MYLK: variants seen among roughly 807,000 people sequenced by gnomAD.
The protein encoded by MYLK is myosin light chain kinase, smooth muscle.
In MYLK, 106 loss-of-function variants were observed where a neutral mutation model predicts 203.4. The ratio of observed to expected loss-of-function variants is 0.52; its 90% CI spans 0.45 to 0.61. The LOEUF (loss-of-function observed/expected upper bound fraction) is 0.61. Ranked by LOEUF, MYLK falls within the 20% of genes least tolerant of loss-of-function variation. The probability of loss-of-function intolerance (pLI) is 0.00; values close to 1 mark genes in which losing one functional copy is unlikely to be tolerated. For missense variants in MYLK, 2,072 were observed against 2,442.3 expected (o/e 0.85, Z 3.20); for synonymous variants, 867 against 959.5 (o/e 0.90, Z 1.78).
chr3:123,765,512 C>CT (rs992254422), intron 4 of MYLK, among the ~76,000 whole-genome samples: 1 of 141,530 alleles, frequency 7.1e-6, no homozygotes, highest in African/African-American at 2.6e-5. Flanking sequence ...GCCTGGGTAA[C>CT]AGAGTGAGAT....
At chr3:123,753,458 T>C (rs966318451) in intron 4 of MYLK, among the ~76,000 whole-genome samples, 2 of 146,334 alleles carry the variant, frequency 1.4e-5, no homozygotes, top group African/African-American at 2.5e-5. Context: ...CTCTAAGTAC[T>C]TGGCTCATCT....
At chr3:123,696,862 T>C (rs546650312) in intron 18 of MYLK, among the ~76,000 whole-genome samples, 2 of 152,330 alleles carry the variant, frequency 1.3e-5, no homozygotes, top group South Asian at 2.1e-4. Context: ...TAGACTGGAA[T>C]TCCTTGGCAG....
intron 27 of MYLK, 45 bp downstream of exon 27, chr3:123,647,178 TG>T (rs758063359): frequency 1.3e-6 from 2 of 1,574,630 alleles, no homozygotes; most frequent in African/African-American, 1.3e-5. Flanking sequence ...GAGACACGTT[TG>T]GGGGCTCCCT....
chr3:123,634,284 C>T (rs1031153633), intron 29 of MYLK, among the ~76,000 whole-genome samples: 8 of 152,152 alleles, frequency 5.3e-5, no homozygotes, highest in African/African-American at 1.2e-4. Context: ...GGAATCAGAG[C>T]GTATTTCCAG....
At chr3:123,622,762 C>T (rs2057938850) in intron 31 of MYLK, 1 of 152,116 alleles carries the variant, frequency 6.6e-6, no homozygotes, top group Admixed American at 6.5e-5. Context: ...AGTTATTTGT[C>T]AGAACTAGAA....
At chr3:123,626,141 C>T (rs1198161348) in intron 31 of MYLK, among the ~76,000 whole-genome samples, 1 of 152,174 alleles carries the variant, frequency 6.6e-6, no homozygotes, top group East Asian at 1.9e-4. Flanking sequence ...TAAATGGTCC[C>T]TGACAGATGG....
chr3:123,706,251 T>C (rs1488032458), intron 16 of MYLK, among the ~76,000 whole-genome samples: 1 of 152,152 alleles, frequency 6.6e-6, no homozygotes, highest in Non-Finnish European at 1.5e-5. Flanking sequence ...TTATTAAGTA[T>C]TGGGGTGGTT....
At chr3:123,753,878 A>G (rs1449040151) in intron 4 of MYLK, among the ~76,000 whole-genome samples, 2 of 152,186 alleles carry the variant, frequency 1.3e-5, no homozygotes. Flanking sequence ...CACTTCAAGG[A>G]AAGAGAGAAT....
chr3:123,670,058 CA>C (rs2059865365), intron 20 of MYLK, among the ~76,000 whole-genome samples: 1 of 129,640 alleles, frequency 7.7e-6, no homozygotes, highest in African/African-American at 3.0e-5. Flanking sequence ...AAAAAAAAAG[CA>C]AACATAGTAA....
At chr3:123,814,550 A>C (rs1478844774) in intron 3 of MYLK, among the ~76,000 whole-genome samples, 1 of 152,202 alleles carries the variant, frequency 6.6e-6, no homozygotes, top group African/African-American at 2.4e-5. Flanking sequence ...ATATTTTTCC[A>C]ATCTGTTTCT....
At chr3:123,868,847 A>G (rs1292417229) in intron 2 of MYLK, among the ~76,000 whole-genome samples, 6 of 152,200 alleles carry the variant, frequency 3.9e-5, no homozygotes, top group Non-Finnish European at 5.9e-5. Flanking sequence ...ATTGCAGCCT[A>G]TTTTACATGC....
chr3:123,643,639 T>C (rs1055032537), intron 27 of MYLK, among the ~76,000 whole-genome samples: 4 of 152,140 alleles, frequency 2.6e-5, no homozygotes, highest in African/African-American at 9.7e-5. Flanking sequence ...CCCACAGTAA[T>C]GGGATAATGC....
intron 2 of MYLK, among the ~76,000 whole-genome samples, chr3:123,851,902 A>C (rs1459616202): frequency 6.6e-6 from 1 of 152,132 alleles, no homozygotes; most frequent in Non-Finnish European, 1.5e-5. Context: ...AGCTCTTATT[A>C]TTTTGAGATA....
At chr3:123,779,725 C>G (rs916027191) in intron 4 of MYLK, among the ~76,000 whole-genome samples, 19 of 152,194 alleles carry the variant, frequency 1.2e-4, no homozygotes, top group African/African-American at 4.6e-4. Flanking sequence ...GGACATAAGT[C>G]TCTTCTCACC....
At chr3:123,620,555 T>G in intron 31 of MYLK, 2 of 1,390,022 alleles carry the variant, frequency 1.4e-6, no homozygotes, top group Non-Finnish European at 9.4e-7. Context: ...GAATGGGGCC[T>G]GGAACTGATG....
Position 123,648,855 on chromosome 3 carries a change from G to A in MYLK, c.4415+116C>T. On this transcript the variant is annotated intron_variant, in intron 26 of 33. Transcript: ENST00000360304. The surrounding 1 kb of genome is among the most constrained non-coding windows in gnomAD (Gnocchi z 4.5). Reference sequence around the variant, plus strand: ...TCCTTTGGATCCTGCAGGACTCTCAGTCTGGGGAGGAGGCAGGCCCCAGGG... The same window carrying A: ...TCCTTTGGATCCTGCAGGACTCTCAATCTGGGGAGGAGGCAGGCCCCAGGG... 1.2e-6 allele frequency: 1 copy of A among 857,888 alleles called. No homozygotes were observed. The highest frequency in any genetic ancestry group is 2.4e-5 in the East Asian group (1 of 40,996). 53.1% of individuals were successfully genotyped at this position (857,888 alleles called of 1,614,324 possible).
At chr3:123,800,236 G>A (rs970200722) in intron 3 of MYLK, 7 of 152,110 alleles carry the variant, frequency 4.6e-5, no homozygotes, top group Non-Finnish European at 1.0e-4. Flanking sequence ...GTGGAGCAAA[G>A]GGAGGACCCT....
chr3:123,847,588 A>C (rs2030188452), intron 2 of MYLK, among the ~76,000 whole-genome samples: 1 of 152,108 alleles, frequency 6.6e-6, no homozygotes, highest in African/African-American at 2.4e-5. Context: ...GTTCTCTTCT[A>C]TTCTTAGTTT....
chr3:123,729,072 C>T (rs145978929), intron 11 of MYLK, among the ~76,000 whole-genome samples: 1,871 of 152,100 alleles, frequency 0.012, 63 homozygotes, highest in South Asian at 0.097. Context: ...CTGAGGAGCC[C>T]AAATGGTTGT....
Sources: gnomAD v4.1 joint callset for allele counts (sites outside exome capture counted in the v4.1 genomes callset) on GRCh38, gnomAD v4.1.1 for gene constraint, Gnocchi (gnomAD v3.1) non-coding constraint, MANE v1.5 for transcripts, NCBI Gene and HGNC (gene_info 2026-07-23, HGNC 2026-07-21) for gene names.